HPSE2: variants seen among roughly 807,000 people sequenced by gnomAD.
HPSE2 encodes heparanase 2 (inactive).
Under a neutral mutation model 60.5 loss-of-function variants are expected in HPSE2, and 38 were observed. The ratio of observed to expected loss-of-function variants is 0.63; its 90% confidence interval spans 0.48 to 0.82. HPSE2 has a LOEUF of 0.82. Ranked by LOEUF, HPSE2 falls within the 40% of genes least tolerant of loss-of-function variation. The pLI is 0.00. For missense variants in HPSE2, 713 were observed against 740.4 expected (o/e 0.96, Z 0.43); for synonymous variants, 295 against 293.2 (o/e 1.01, Z -0.06).
chr10:99,293,676 T>G, the HPSE2 span, among the ~76,000 whole-genome samples: 1 of 152,066 alleles, frequency 6.6e-6, no homozygotes. Flanking sequence ...CTTTAAACAG[T>G]TTTAAAAAGT....
At chr10:99,237,968 A>T (rs1849901000), upstream of HPSE2, among the ~76,000 whole-genome samples, 1 of 152,208 alleles carries the variant, frequency 6.6e-6, no homozygotes, top group African/African-American at 2.4e-5. Context: ...CCTCTCCAGA[A>T]CAATGTGAAA....
intron 11 of HPSE2, among the ~76,000 whole-genome samples, chr10:98,462,959 C>CTTT (rs56061368): frequency 1.4e-5 from 2 of 146,594 alleles, no homozygotes; most frequent in Non-Finnish European, 1.5e-5. Flanking sequence ...CTTATCTCTG[C>CTTT]TTTTTTTTTT....
chr10:98,500,148 T>C (rs1021428747), intron 9 of HPSE2, among the ~76,000 whole-genome samples: 3 of 152,100 alleles, frequency 2.0e-5, no homozygotes, highest in African/African-American at 4.8e-5. Flanking sequence ...AACAATGGAT[T>C]TAAACTATAC....
chr10:98,727,511 C>T (rs892837283), intron 4 of HPSE2, among the ~76,000 whole-genome samples: 14 of 151,968 alleles, frequency 9.2e-5, no homozygotes, highest in African/African-American at 3.4e-4. Flanking sequence ...ATTAGCTGGG[C>T]ATGGTGGTAT....
At chr10:98,560,469 C>G (rs11189677) in intron 9 of HPSE2, among the ~76,000 whole-genome samples, 68,521 of 152,136 alleles carry the variant, frequency 0.45, 18,592 homozygotes, top group South Asian at 0.59. Flanking sequence ...GCCTGCCACT[C>G]CCTTGGGGAT....
intron 3 of HPSE2, among the ~76,000 whole-genome samples, chr10:99,010,927 G>A (rs1219776493): frequency 6.6e-6 from 1 of 151,982 alleles, no homozygotes; most frequent in Non-Finnish European, 1.5e-5. Flanking sequence ...TGTCATGGGG[G>A]TTTGCTGTAC....
At chr10:98,989,336 G>T (rs1176933881) in intron 3 of HPSE2, among the ~76,000 whole-genome samples, 2 of 152,156 alleles carry the variant, frequency 1.3e-5, no homozygotes, top group Admixed American at 1.3e-4. Flanking sequence ...ATGAGTTCAT[G>T]TCCTTTGTAG....
chr10:99,175,089 C>T (rs1281145881), intron 2 of HPSE2, among the ~76,000 whole-genome samples: 2 of 152,122 alleles, frequency 1.3e-5, no homozygotes, highest in Non-Finnish European at 2.9e-5. Flanking sequence ...GGCCCAGATA[C>T]TATGCTTTTC....
intron 9 of HPSE2, among the ~76,000 whole-genome samples, chr10:98,532,798 T>TTC (rs1258600767): frequency 3.3e-5 from 5 of 151,880 alleles, no homozygotes; most frequent in African/African-American, 9.7e-5. Flanking sequence ...GAACAATAGC[T>TTC]TCTCTCTCTC....
intron 7 of HPSE2, among the ~76,000 whole-genome samples, chr10:98,623,766 T>A (rs1946133416): frequency 6.6e-6 from 1 of 152,238 alleles, no homozygotes; most frequent in African/African-American, 2.4e-5. Context: ...ATAATGCTAA[T>A]GTAGATTTCC....
chr10:98,586,232 C>T (rs1042842282), intron 9 of HPSE2, among the ~76,000 whole-genome samples: 9 of 152,178 alleles, frequency 5.9e-5, no homozygotes, highest in African/African-American at 1.9e-4. Context: ...AAACTGTTCA[C>T]TGTTTGCAGA....
chr10:98,509,602 A>G lies in HPSE2; in HGVS notation c.1321-19406T>C, dbSNP rs563553434. Among the ~76,000 whole-genome samples the G allele has an allele frequency of 2.7e-3, 415 of 151,948 alleles. 2 individuals carry two copies. Among genetic ancestry groups the G allele is most frequent in the African/African-American group, 9.5e-3 (395 of 41,456 alleles). On this transcript the variant is annotated intron_variant, in intron 9 of 11. Coordinates refer to ENST00000370552, the MANE Select transcript of HPSE2 (RefSeq NM_021828.5). ...CTGCAACCTCCGCCTCCTGGGTTCA[A>G]GCAAATCTCTTGCCTCAGCCACCCG...
chr10:98,614,849 T>C (rs947437003), intron 9 of HPSE2, 55 bp downstream of exon 9: 5 of 1,185,368 alleles, frequency 4.2e-6, no homozygotes, highest in Non-Finnish European at 5.1e-6. Context: ...CAAGGCATGA[T>C]CAAAAGAACT....
the HPSE2 span, among the ~76,000 whole-genome samples, chr10:99,282,192 G>A: frequency 0.017 from 2,533 of 152,138 alleles, 107 homozygotes; most frequent in East Asian, 0.16. Context: ...CTGGGAGGGG[G>A]AGCTTGCAGT....
At chr10:98,712,094 T>C (rs568751203) in intron 5 of HPSE2, among the ~76,000 whole-genome samples, 47 of 151,818 alleles carry the variant, frequency 3.1e-4, no homozygotes, top group African/African-American at 1.1e-3. Flanking sequence ...AACTGGAAAA[T>C]AAGAAAGTGA....
At chr10:99,214,359 T>C (rs1253754870) in intron 2 of HPSE2, among the ~76,000 whole-genome samples, 1 of 152,202 alleles carries the variant, frequency 6.6e-6, no homozygotes, top group Non-Finnish European at 1.5e-5. Flanking sequence ...CCTTGGTATA[T>C]ACTCAAGAGA....
At chr10:99,027,803 T>C (rs1012170362) in intron 3 of HPSE2, among the ~76,000 whole-genome samples, 2 of 151,340 alleles carry the variant, frequency 1.3e-5, no homozygotes, top group Non-Finnish European at 2.9e-5. Context: ...AGAAAGATCA[T>C]TCATCATGAT....
intron 9 of HPSE2, among the ~76,000 whole-genome samples, chr10:98,531,389 C>G (rs1279850431): frequency 6.6e-6 from 1 of 152,178 alleles, no homozygotes; most frequent in Non-Finnish European, 1.5e-5. Flanking sequence ...ATTTCAAAGC[C>G]TTTACTTAGT....
At chr10:99,002,609 T>C (rs1404057361) in intron 3 of HPSE2, among the ~76,000 whole-genome samples, 1 of 152,008 alleles carries the variant, frequency 6.6e-6, no homozygotes, top group Non-Finnish European at 1.5e-5. Flanking sequence ...AAGAAAAGTC[T>C]GAGAAACTGT....
Sources: allele counts gnomAD v4.1 joint callset (sites outside exome capture counted in the v4.1 genomes callset), GRCh38; gene constraint gnomAD v4.1.1; transcripts MANE v1.5; gene names NCBI Gene and HGNC (gene_info 2026-07-23, HGNC 2026-07-21).